ARHGAP15: variants seen among roughly 807,000 people sequenced by gnomAD.
The protein encoded by ARHGAP15 is Rho GTPase activating protein 15, also known as rho GTPase-activating protein 15.
Under a neutral mutation model 63.7 loss-of-function variants are expected in ARHGAP15, and 51 were observed. The ratio of observed to expected loss-of-function variants is 0.80; its 90% confidence interval spans 0.64 to 1.01. The LOEUF (loss-of-function observed/expected upper bound fraction) is 1.01. ARHGAP15 is among the 50% of genes least tolerant of loss of function. ARHGAP15 has a pLI of 0.00. For missense variants in ARHGAP15, 560 were observed against 564.6 expected (o/e 0.99, Z 0.08); for synonymous variants, 191 against 193.8 (o/e 0.99, Z 0.12).
chr2:143,255,769 G>A (rs1680392425), intron 6 of ARHGAP15, among the ~76,000 whole-genome samples: 1 of 152,132 alleles, frequency 6.6e-6, no homozygotes, highest in Non-Finnish European at 1.5e-5. Flanking sequence ...GCAAAAGGAT[G>A]ATTCTTCACA....
chr2:143,259,607 C>CG (rs1455871640), intron 6 of ARHGAP15, among the ~76,000 whole-genome samples: 1 of 152,056 alleles, frequency 6.6e-6, no homozygotes. Flanking sequence ...TTCTCTGATT[C>CG]GGTTTGACTG....
chr2:143,245,392 T>C (rs1431848423), intron 5 of ARHGAP15, among the ~76,000 whole-genome samples: 1 of 152,152 alleles, frequency 6.6e-6, no homozygotes, highest in African/African-American at 2.4e-5. Flanking sequence ...CAGATGCAGA[T>C]GGGGAACAAG....
intron 11 of ARHGAP15, among the ~76,000 whole-genome samples, chr2:143,583,851 C>T (rs1436191954): frequency 1.3e-5 from 2 of 152,122 alleles, no homozygotes; most frequent in African/African-American, 2.4e-5. Flanking sequence ...ATGTCTACTA[C>T]CAATTTTTAG....
At chr2:143,310,113 C>T (rs899166442) in intron 6 of ARHGAP15, among the ~76,000 whole-genome samples, 2 of 151,990 alleles carry the variant, frequency 1.3e-5, no homozygotes, top group African/African-American at 4.8e-5. Flanking sequence ...AGCTAATGTA[C>T]TTCATTGCAT....
chr2:143,391,183 T>C (rs1687524378), intron 6 of ARHGAP15, among the ~76,000 whole-genome samples: 1 of 152,246 alleles, frequency 6.6e-6, no homozygotes, highest in Admixed American at 6.5e-5. Context: ...CAGGCCTTTT[T>C]GCTTTCAAAG....
chr2:143,316,890 C>T (rs1683744528), intron 6 of ARHGAP15, among the ~76,000 whole-genome samples: 1 of 152,142 alleles, frequency 6.6e-6, no homozygotes, highest in South Asian at 2.1e-4. Context: ...TAGTCAAGCT[C>T]AGTGACTTCA....
chr2:143,165,991 A>AAGG, intron 2 of ARHGAP15, among the ~76,000 whole-genome samples: 2 of 98,518 alleles, frequency 2.0e-5, no homozygotes, highest in African/African-American at 6.4e-5. Flanking sequence ...AGAAAGAAAG[A>AAGG]AAGAAAGAAA....
At chr2:143,502,144 C>T (rs924898640) in intron 9 of ARHGAP15, among the ~76,000 whole-genome samples, 24 of 152,120 alleles carry the variant, frequency 1.6e-4, no homozygotes, top group Non-Finnish European at 4.4e-5. Flanking sequence ...TGCAGTGGCT[C>T]ACACCAGTAA....
chr2:143,452,150 T>C (rs964558379), intron 8 of ARHGAP15, among the ~76,000 whole-genome samples: 2 of 152,014 alleles, frequency 1.3e-5, no homozygotes, highest in Non-Finnish European at 2.9e-5. Flanking sequence ...AGGTTTTCAT[T>C]ATACACAGAG....
At chr2:143,569,228 T>C (rs1696359736) in intron 11 of ARHGAP15, among the ~76,000 whole-genome samples, 1 of 152,188 alleles carries the variant, frequency 6.6e-6, no homozygotes, top group Non-Finnish European at 1.5e-5. Context: ...GATTTATTCA[T>C]TCAAAAATAT....
At chr2:143,349,266 T>G (rs902347830) in intron 6 of ARHGAP15, among the ~76,000 whole-genome samples, 2 of 152,204 alleles carry the variant, frequency 1.3e-5, no homozygotes, top group Non-Finnish European at 2.9e-5. Flanking sequence ...AAGGGACTGC[T>G]GAAAACATCA....
intron 6 of ARHGAP15, among the ~76,000 whole-genome samples, chr2:143,428,448 T>C (rs563588819): frequency 2.6e-5 from 4 of 151,924 alleles, no homozygotes; most frequent in African/African-American, 9.6e-5. Flanking sequence ...GGGATGATCA[T>C]ATCCAAGTTT....
intron 6 of ARHGAP15, among the ~76,000 whole-genome samples, chr2:143,416,286 G>C (rs1381111182): frequency 6.6e-6 from 1 of 151,820 alleles, no homozygotes; most frequent in Non-Finnish European, 1.5e-5. Flanking sequence ...AAGTTACTTG[G>C]TCTCGTGGCA....
intron 13 of ARHGAP15, among the ~76,000 whole-genome samples, chr2:143,728,991 C>G (rs747352510): frequency 2.0e-5 from 3 of 152,168 alleles, no homozygotes; most frequent in Non-Finnish European, 4.4e-5. Flanking sequence ...GTCTCAGTTA[C>G]GCAGACTTAA....
At chr2:143,526,907 G>T (rs1694305055) in intron 10 of ARHGAP15, among the ~76,000 whole-genome samples, 2 of 152,024 alleles carry the variant, frequency 1.3e-5, no homozygotes, top group African/African-American at 4.8e-5. Context: ...TTTCACAACA[G>T]TGTCACTCTG....
At chr2:143,326,159 T>G (rs914586104) in intron 6 of ARHGAP15, among the ~76,000 whole-genome samples, 22 of 152,172 alleles carry the variant, frequency 1.4e-4, no homozygotes, top group African/African-American at 4.8e-4. Flanking sequence ...CAGAAAAACG[T>G]CACTGGGGAA....
chr2:143,690,397 A>G (rs1320825853), intron 12 of ARHGAP15, among the ~76,000 whole-genome samples: 2 of 152,244 alleles, frequency 1.3e-5, no homozygotes, highest in Non-Finnish European at 2.9e-5. Flanking sequence ...AGAGGGCATC[A>G]CACTGAAAGT....
intron 12 of ARHGAP15, among the ~76,000 whole-genome samples, chr2:143,641,831 T>C (rs1185442549): frequency 6.6e-6 from 1 of 152,138 alleles, no homozygotes; most frequent in Non-Finnish European, 1.5e-5. Context: ...TGTGCATGCA[T>C]TGTACTGACA....
At chr2:143,577,183 C>T (rs1321945402) in intron 11 of ARHGAP15, among the ~76,000 whole-genome samples, 2 of 152,166 alleles carry the variant, frequency 1.3e-5, no homozygotes, top group East Asian at 1.9e-4. Flanking sequence ...ATCTGCACCA[C>T]ATTTCAATAT....
Sources: gnomAD v4.1 joint callset for allele counts (sites outside exome capture counted in the v4.1 genomes callset) on GRCh38, gnomAD v4.1.1 for gene constraint, MANE v1.5 for transcripts, NCBI Gene and HGNC (gene_info 2026-07-23, HGNC 2026-07-21) for gene names.